SYNE2: variants seen among roughly 807,000 people sequenced by gnomAD.
The protein encoded by SYNE2 is spectrin repeat containing nuclear envelope protein 2, also known as nesprin-2.
In SYNE2, 431 loss-of-function variants were observed where a neutral mutation model predicts 856.3. The ratio of observed to expected loss-of-function variants is 0.50; its 90% CI spans 0.47 to 0.55. SYNE2 has a LOEUF of 0.55. SYNE2 is among the 20% of genes least tolerant of loss of function. SYNE2 has a pLI of 0.00. For synonymous variants in SYNE2, 2,923 were observed against 2,872.3 expected (o/e 1.02, Z -0.56); for missense variants, 8,129 against 8,023.2 (o/e 1.01, Z -0.50).
rs536614993 is a variant in SYNE2 at position 64,223,461 on chromosome 14, A to G, written c.20382+81A>G. The G allele has an allele frequency of 1.9e-6, 3 of 1,541,574 alleles. No homozygotes were observed. In the East Asian group the frequency reaches 6.9e-5, roughly 35 times the overall value. ...ACAGCAGTGTTGTAGCAATGCTCTA[A>G]GACAGAGGCCAGAAGCAAGGGCCAG... On this transcript the variant is annotated intron_variant, in intron 113 of 115. Coordinates refer to ENST00000555002, the MANE Select transcript of SYNE2 (RefSeq NM_182914.3).
At chr14:63,870,819 C>T (rs909586035) in intron 1 of SYNE2, among the ~76,000 whole-genome samples, 2 of 152,050 alleles carry the variant, frequency 1.3e-5, no homozygotes, top group African/African-American at 4.8e-5. Flanking sequence ...TGTATGCACA[C>T]GGAGTATTAC....
In SYNE2 at chr14:64,031,335, A is replaced by G; in HGVS notation, c.7199A>G (p.Glu2400Gly). The change falls in exon 45 of 116, where the codon GAG (glutamate) becomes GGG (glycine). Residue 2400 changes from glutamate to glycine, a missense_variant. By Grantham distance (98) the Glu-to-Gly change is moderately conservative (BLOSUM62 -2). Around this residue, in one of 3 missense-constraint regions of SYNE2, gnomAD observed 297 missense variants for 380.9 expected, o/e 0.78. Coordinates refer to ENST00000555002, the MANE Select transcript of SYNE2 (RefSeq NM_182914.3). ...GAATCAGCTGCAGTGGAAAAGTTGG[A>G]GGAAGACTGGGAAATAAACAAGGTA... Reference protein sequence around the residue: ...TQESAAVEKLEEDWEINKDSA... With the variant: ...TQESAAVEKLGEDWEINKDSA... 6.2e-7 allele frequency: 1 copy of G among 1,614,104 alleles called. No homozygotes were observed. Among genetic ancestry groups the G allele is most frequent in the Non-Finnish European group, 8.5e-7 (1 of 1,180,008 alleles).
chr14:63,937,447 C>T (rs1474168661), intron 2 of SYNE2, among the ~76,000 whole-genome samples: 1 of 152,108 alleles, frequency 6.6e-6, no homozygotes, highest in Non-Finnish European at 1.5e-5. Flanking sequence ...ATATAGTGTA[C>T]AAGTGAAAGG....
At position 63,828,457 on chromosome 14, in the gene SYNE2, T is replaced by A. The variant is rs1267195316; in HGVS notation, c.-304-24044T>A. On this transcript the variant is annotated intron_variant, in intron 1 of 23. Coordinates refer to the SYNE2 transcript ENST00000674003. ...GAGTTCAAGACCAGCCTGGCCAACATGGTAAAACCTGTCTCTACTAAAAAT... is the reference window on the plus strand; with the variant it reads ...GAGTTCAAGACCAGCCTGGCCAACAAGGTAAAACCTGTCTCTACTAAAAAT... Among the ~76,000 whole-genome samples, 5 of 151,656 alleles carry A rather than the reference T, an allele frequency of 3.3e-5. No individual in the cohort carries two copies. In the South Asian group the frequency reaches 8.3e-4, roughly 25 times the overall value.
intron 2 of SYNE2, among the ~76,000 whole-genome samples, chr14:63,935,185 A>G (rs1181895145): frequency 6.6e-6 from 1 of 152,222 alleles, no homozygotes; most frequent in Non-Finnish European, 1.5e-5. Flanking sequence ...AGAGAAATTT[A>G]TATAAGACAG....
intron 94 of SYNE2, among the ~76,000 whole-genome samples, chr14:64,172,328 G>A (rs1358169520): frequency 6.6e-6 from 1 of 152,194 alleles, no homozygotes; most frequent in Admixed American, 6.5e-5. Flanking sequence ...GGCAGTTGCA[G>A]TCAGATGGTG....
rs371975084 is a variant in SYNE2, at chr14:63,784,298, G to A, written c.-305+22312G>A. Among the ~76,000 whole-genome samples, 15 of 150,774 alleles carry A rather than the reference G, an allele frequency of 9.9e-5. No homozygotes were observed. The South Asian group carries it at 2.1e-3, about 21-fold the overall frequency. On this transcript the variant is annotated intron_variant, in intron 1 of 23. Coordinates refer to the SYNE2 transcript ENST00000674003. ...ACGAGGTCAGGAGTTCGAGACCAGC[G>A]TGTCCAATATGGTGAAACCCTGTCT...
rs1325285635 is a variant in SYNE2 at position 64,170,884 on chromosome 14, CCTA to C, written c.17235+426_17235+428del. 2.0e-5 allele frequency among the ~76,000 whole-genome samples: 3 copies of C among 152,142 alleles called. No homozygotes were observed. The East Asian group carries it at 5.8e-4, about 29-fold the overall frequency. ...TACAAAAAAAATAGAATGAATAAGA[CCTA>C]CTATTTGATAGCACAGTAGGGTGAC... On this transcript the variant is annotated intron_variant, in intron 94 of 115. Transcript: ENST00000555002.
chr14:63,976,738 A>T lies in SYNE2; in HGVS notation c.1293+11A>T. On this transcript the variant is annotated intron_variant, in intron 12 of 115. Coordinates refer to ENST00000555002, the MANE Select transcript of SYNE2 (RefSeq NM_182914.3). ...ATGACTTTATTCAAGGTTGGAAAAG[A>T]AAAAAAAGAGATGTAGGAAAATACA... The T allele has an allele frequency of 6.2e-7, 1 of 1,610,796 alleles. No individual in the cohort carries two copies. The highest frequency in any genetic ancestry group is 1.1e-5 in the South Asian group (1 of 90,966).
chr14:64,038,708 C>A (rs28716518), intron 45 of SYNE2, among the ~76,000 whole-genome samples: 321 of 152,346 alleles, frequency 2.1e-3, no homozygotes, highest in African/African-American at 7.4e-3. Flanking sequence ...TCAGGCGTGG[C>A]GGCGGGCGCC....
intron 112 of SYNE2, 90 bp downstream of exon 112, chr14:64,221,794 A>C: frequency 2.0e-6 from 3 of 1,478,262 alleles, no homozygotes; most frequent in South Asian, 1.1e-5. Context: ...CTAGTATTTC[A>C]GGAACTGTGC....
intron 1 of SYNE2, among the ~76,000 whole-genome samples, chr14:63,778,293 T>A (rs1269120976): frequency 6.6e-6 from 1 of 152,166 alleles, no homozygotes; most frequent in Non-Finnish European, 1.5e-5. Flanking sequence ...GTAAGTTTCC[T>A]GAGGCCTCCC....
rs889656694 is a variant in SYNE2, at chr14:63,998,416, A to G, written c.3353+88A>G. The G allele has an allele frequency of 1.2e-5, 11 of 894,888 alleles. No homozygotes were observed. The African/African-American group carries it at 1.7e-4, about 14-fold the overall frequency. The allele number at this position is 894,888 out of a possible 1,614,324, so 55.4% of individuals were successfully genotyped here. On this transcript the variant is annotated intron_variant, in intron 26 of 115. Coordinates refer to ENST00000555002, the MANE Select transcript of SYNE2 (RefSeq NM_182914.3). ...TAGACTTTTTAAAAGTTTTATTTTC[A>G]TTTAGTCGTCATTTTGCATATGATC...
intron 66 of SYNE2, among the ~76,000 whole-genome samples, chr14:64,114,123 G>T (rs1443066330): frequency 6.6e-6 from 1 of 152,078 alleles, no homozygotes; most frequent in African/African-American, 2.4e-5. Context: ...CAGCATAAAA[G>T]GGCTTTGCAA....
Position 64,078,596 on chromosome 14 carries a change from A to G in SYNE2, c.11153A>G (p.Glu3718Gly), listed in dbSNP as rs752741716. Residue 3718 changes from glutamate to glycine, a missense_variant, in exon 55 of 116, where the codon GAA becomes GGA. Around this residue, in one of 3 missense-constraint regions of SYNE2, gnomAD observed 5,410 missense variants for 5,284.8 expected, o/e 1.02. Coordinates refer to ENST00000555002, the MANE Select transcript of SYNE2 (RefSeq NM_182914.3). Reference sequence around the variant, plus strand: ...AGCAAAAATATTGAGAAAGCTCAAGAAATTCAAAAGGTAAAATCCTCCTTT... The same window carrying G: ...AGCAAAAATATTGAGAAAGCTCAAGGAATTCAAAAGGTAAAATCCTCCTTT... ...QKSKNIEKAQ[E>G]IQKKMWDELD... is the part of the protein sequence containing the mutation. The G allele has an allele frequency of 6.2e-7, 1 of 1,614,058 alleles. No individual in the cohort carries two copies. Among genetic ancestry groups the G allele is most frequent in the East Asian group, 2.2e-5 (1 of 44,872 alleles).
chr14:64,203,378 A>G (rs2098587251), intron 100 of SYNE2, among the ~76,000 whole-genome samples: 1 of 152,244 alleles, frequency 6.6e-6, no homozygotes, highest in Non-Finnish European at 1.5e-5. Context: ...AAAAAATTAA[A>G]ACAAGAAAAG....
intron 1 of SYNE2, among the ~76,000 whole-genome samples, chr14:63,898,293 G>A (rs1436760218): frequency 6.6e-6 from 1 of 152,058 alleles, no homozygotes; most frequent in Admixed American, 6.6e-5. Context: ...TCCTGGGAAC[G>A]TCCCTTTATT....
chr14:63,778,696 G>A (rs968674357), intron 1 of SYNE2, among the ~76,000 whole-genome samples: 1 of 151,994 alleles, frequency 6.6e-6, no homozygotes, highest in African/African-American at 2.4e-5. Context: ...TGTCATTTTT[G>A]TAGAGACAGG....
intron 1 of SYNE2, among the ~76,000 whole-genome samples, chr14:63,781,312 G>A (rs1887299633): frequency 6.6e-6 from 1 of 150,960 alleles, no homozygotes; most frequent in African/African-American, 2.4e-5. Flanking sequence ...TGTGGACATC[G>A]CTGTATGGAA....
Sources: allele counts gnomAD v4.1 joint callset (sites outside exome capture counted in the v4.1 genomes callset), GRCh38; gene constraint gnomAD v4.1.1; regional missense constraint gnomAD v4.1.1; transcripts MANE v1.5; gene names NCBI Gene and HGNC (gene_info 2026-07-23, HGNC 2026-07-21).